The following CDK14 variants were observed in gnomAD, a reference collection of about 807,000 sequenced individuals.
CDK14 encodes the protein cyclin-dependent kinase 14.
A neutral mutation model predicts 60.7 loss-of-function variants in CDK14; 34 were observed. The observed-to-expected ratio is 0.56, with a 90% confidence interval of 0.43 to 0.75. CDK14 has a LOEUF of 0.75. CDK14 is among the 30% of genes least tolerant of loss of function. The probability of loss-of-function intolerance (pLI) is 0.00; values close to 1 mark genes in which losing one functional copy is unlikely to be tolerated. For synonymous variants in CDK14, 197 were observed against 203.7 expected (o/e 0.97, Z 0.28); for missense variants, 482 against 564.1 (o/e 0.85, Z 1.47).
intron 13 of CDK14, 57 bp from the exon 14 acceptor site, chr7:91,117,999 TAAAAAAAAA>T: frequency 1.2e-6 from 1 of 851,500 alleles, no homozygotes; most frequent in Non-Finnish European, 1.8e-6. Context: ...TCCATTTTTT[TAAAAAAAAA>T]ACATGATTAT....
chr7:90,961,228 A>G (rs1479173401), intron 9 of CDK14, among the ~76,000 whole-genome samples: 1 of 152,176 alleles, frequency 6.6e-6, no homozygotes, highest in Non-Finnish European at 1.5e-5. Flanking sequence ...TTATACTCTG[A>G]GTCATGTCCT....
intron 9 of CDK14, chr7:90,979,729 G>A (rs912777898): frequency 6.6e-6 from 1 of 152,092 alleles, no homozygotes; most frequent in Admixed American, 6.6e-5. Context: ...CTACATTCTC[G>A]TTACAGAAAA....
intron 14 of CDK14, among the ~76,000 whole-genome samples, chr7:91,129,396 A>G (rs1008293931): frequency 2.6e-5 from 4 of 152,292 alleles, no homozygotes; most frequent in Non-Finnish European, 5.9e-5. Flanking sequence ...AAAAGTATTG[A>G]TTTTATTAAA....
intron 14 of CDK14, among the ~76,000 whole-genome samples, chr7:91,194,316 TG>T (rs1269809119): frequency 1.3e-5 from 2 of 152,322 alleles, no homozygotes; most frequent in Middle Eastern, 3.4e-3. Context: ...AGAGCTTTTT[TG>T]TTTTAGCATT....
At chr7:90,751,416 A>G (rs1803841231) in intron 4 of CDK14, among the ~76,000 whole-genome samples, 1 of 152,210 alleles carries the variant, frequency 6.6e-6, no homozygotes, top group Non-Finnish European at 1.5e-5. Context: ...TATCCCACCA[A>G]GATAAGCCTC....
intron 2 of CDK14, among the ~76,000 whole-genome samples, chr7:90,649,436 T>TTTCTTTCTTTCTTTCTTTCC (rs1800575962): frequency 1.5e-5 from 2 of 134,688 alleles, no homozygotes; most frequent in Non-Finnish European, 3.2e-5. Flanking sequence ...TTTCTTTCTC[T>TTTCTTTCTTTCTTTCTTTCC]TTCCTTCCTT....
At chr7:91,151,697 T>C (rs1334833709) in intron 14 of CDK14, among the ~76,000 whole-genome samples, 3 of 152,214 alleles carry the variant, frequency 2.0e-5, no homozygotes, top group Non-Finnish European at 4.4e-5. Context: ...GTATCATGGA[T>C]GCAGAAAAGA....
At chr7:90,979,744 A>G (rs975417998) in intron 9 of CDK14, 2 of 152,202 alleles carry the variant, frequency 1.3e-5, no homozygotes, top group Non-Finnish European at 2.9e-5. Flanking sequence ...AGAAAATGTT[A>G]CTGTAGAATT....
chr7:90,929,549 C>T (rs1414322534), intron 8 of CDK14, among the ~76,000 whole-genome samples: 1 of 152,250 alleles, frequency 6.6e-6, no homozygotes. Flanking sequence ...GTTTAGCTTT[C>T]CTGGCAAAAG....
chr7:90,828,073 C>T (rs1789786314), intron 5 of CDK14, among the ~76,000 whole-genome samples: 1 of 152,120 alleles, frequency 6.6e-6, no homozygotes, highest in Non-Finnish European at 1.5e-5. Flanking sequence ...GAAACCTGTC[C>T]AAATGATTAC....
intron 12 of CDK14, among the ~76,000 whole-genome samples, chr7:91,082,076 T>G (rs1307589406): frequency 6.6e-6 from 1 of 152,166 alleles, no homozygotes; most frequent in Non-Finnish European, 1.5e-5. Flanking sequence ...GCAGTTATAC[T>G]CTCCCTATTT....
intron 8 of CDK14, among the ~76,000 whole-genome samples, chr7:90,951,414 G>A (rs893615396): frequency 2.0e-5 from 3 of 152,242 alleles, no homozygotes; most frequent in Admixed American, 2.0e-4. Flanking sequence ...TTTCTATACC[G>A]TATTTTTGTT....
chr7:90,953,130 C>T (rs1794311068), intron 8 of CDK14, among the ~76,000 whole-genome samples: 1 of 152,024 alleles, frequency 6.6e-6, no homozygotes, highest in Non-Finnish European at 1.5e-5. Context: ...ACCAAACAGA[C>T]ATTTTTAGGG....
At chr7:90,680,560 A>G (rs1015580578) in intron 2 of CDK14, among the ~76,000 whole-genome samples, 4 of 152,212 alleles carry the variant, frequency 2.6e-5, no homozygotes, top group African/African-American at 9.7e-5. Flanking sequence ...GCTCTAAAAG[A>G]CACTGTGTTG....
At chr7:90,810,823 C>G (rs1353639192) in intron 5 of CDK14, among the ~76,000 whole-genome samples, 4 of 151,602 alleles carry the variant, frequency 2.6e-5, no homozygotes, top group African/African-American at 4.9e-5. Flanking sequence ...ACATCAGTAA[C>G]AGACAAACAG....
At position 90,744,716 on chromosome 7, in the gene CDK14, G is replaced by C. The variant is rs1187454489; in HGVS notation, c.370-2965G>C. On this transcript the variant is annotated intron_variant, in intron 3 of 14. Transcript: ENST00000380050. ...TCCTCACTTCCCAGTAGGGGCGGCCGGGCAGAGGCGCCCCTCACCTCCCGG... is the reference window on the plus strand; with the variant it reads ...TCCTCACTTCCCAGTAGGGGCGGCCCGGCAGAGGCGCCCCTCACCTCCCGG... Among the ~76,000 whole-genome samples the C allele has an allele frequency of 6.0e-5, 6 of 100,102 alleles. No individual in the cohort carries two copies. In the East Asian group the frequency reaches 1.7e-3, roughly 29 times the overall value. The allele number at this position is 100,102 out of a possible 152,430, so 65.7% of individuals were successfully genotyped here. A position where few individuals can be genotyped will look rare whatever the true frequency, so the allele number is the denominator to read the frequency against.
intron 6 of CDK14, among the ~76,000 whole-genome samples, chr7:90,876,785 G>C (rs183929318): frequency 9.8e-4 from 150 of 152,310 alleles, no homozygotes; most frequent in African/African-American, 3.2e-3. Context: ...ATGTTAAAGC[G>C]TGCCATTATG....
At chr7:91,195,947 C>G (rs1584202128) in intron 14 of CDK14, among the ~76,000 whole-genome samples, 2 of 152,360 alleles carry the variant, frequency 1.3e-5, no homozygotes, top group South Asian at 4.1e-4. Flanking sequence ...AAACATGTGT[C>G]TGTCCCATTG....
chr7:91,037,108 C>T (rs1438225536), intron 10 of CDK14, among the ~76,000 whole-genome samples: 1 of 152,232 alleles, frequency 6.6e-6, no homozygotes, highest in African/African-American at 2.4e-5. Flanking sequence ...GCCACCTGTT[C>T]CCATCTTGAA....
Sources: gnomAD v4.1 joint callset for allele counts (sites outside exome capture counted in the v4.1 genomes callset) on GRCh38, gnomAD v4.1.1 for gene constraint, MANE v1.5 for transcripts, NCBI Gene and HGNC (gene_info 2026-07-23, HGNC 2026-07-21) for gene names.